Variants in DAB1 observed in about 807,000 individuals in gnomAD.
DAB1 encodes disabled homolog 1.
Under a neutral mutation model 64.6 loss-of-function variants are expected in DAB1, and 15 were observed. The observed-to-expected ratio is 0.23, with a 90% CI of 0.16 to 0.36. The LOEUF (loss-of-function observed/expected upper bound fraction) is 0.36. DAB1 is among the 10% of genes least tolerant of loss of function. The pLI is 1.00. For synonymous variants in DAB1, 235 were observed against 251.9 expected (o/e 0.93, Z 0.64); for missense variants, 596 against 706.7 (o/e 0.84, Z 1.78).
chr1:57,962,689 T>A lies in DAB1; in HGVS notation n.388-78527A>T, dbSNP rs534282786. Reference sequence around the variant, plus strand: ...GAGTTCAAGACCGGCCTGGATAACATAATCTCTACAATTTTTTTTTTTAAT... The same window carrying A: ...GAGTTCAAGACCGGCCTGGATAACAAAATCTCTACAATTTTTTTTTTTAAT... On this transcript the variant is annotated intron_variant and non_coding_transcript_variant, in intron 5 of 20. Coordinates refer to the DAB1 transcript ENST00000485760. 2.5e-4 allele frequency among the ~76,000 whole-genome samples: 38 copies of A among 151,706 alleles called. No individual in the cohort carries two copies. The South Asian group carries it at 7.9e-3, about 32-fold the overall frequency.
At chr1:57,816,349 AGTT>A (rs1651854714) in intron 6 of DAB1, among the ~76,000 whole-genome samples, 1 of 152,152 alleles carries the variant, frequency 6.6e-6, no homozygotes, top group South Asian at 2.1e-4. Context: ...ACCTTCCTCT[AGTT>A]GTTATGTTCT....
intron 4 of DAB1, among the ~76,000 whole-genome samples, chr1:58,180,139 A>C (rs12037550): frequency 0.014 from 2,191 of 151,746 alleles, 54 homozygotes; most frequent in South Asian, 0.099. Context: ...TCCTGGAAAA[A>C]ATCCCCCACA....
intron 3 of DAB1, among the ~76,000 whole-genome samples, chr1:58,504,924 G>T (rs1645962956): frequency 6.6e-6 from 1 of 151,238 alleles, no homozygotes; most frequent in Admixed American, 6.6e-5. Flanking sequence ...CTCCGTATTT[G>T]TTGGGCTGAA....
intron 5 of DAB1, among the ~76,000 whole-genome samples, chr1:58,112,182 G>A (rs1238291186): frequency 1.3e-5 from 2 of 152,238 alleles, no homozygotes; most frequent in South Asian, 2.1e-4. Flanking sequence ...CCAACTGGAG[G>A]AGCCCCTCCA....
chr1:57,680,036 A>G (rs1646618004), intron 6 of DAB1, among the ~76,000 whole-genome samples: 1 of 152,216 alleles, frequency 6.6e-6, no homozygotes, highest in African/African-American at 2.4e-5. Flanking sequence ...GGTCCATACT[A>G]TGTTATGATG....
At chr1:58,499,517 G>T (rs183876250) in intron 3 of DAB1, among the ~76,000 whole-genome samples, 1 of 148,508 alleles carries the variant, frequency 6.7e-6, no homozygotes, top group African/African-American at 2.5e-5. Context: ...TAAATAGATA[G>T]ATAGATAGAT....
At chr1:58,043,661 T>C (rs963827683) in intron 5 of DAB1, among the ~76,000 whole-genome samples, 2 of 152,190 alleles carry the variant, frequency 1.3e-5, no homozygotes, top group Non-Finnish European at 2.9e-5. Flanking sequence ...TTCTCATCTA[T>C]AAAATGAGAT....
intron 14 of DAB1, among the ~76,000 whole-genome samples, chr1:57,007,589 G>A (rs1646121051): frequency 6.6e-6 from 1 of 152,170 alleles, no homozygotes; most frequent in African/African-American, 2.4e-5. Context: ...TGGCCCTGAA[G>A]CTTCCACCTG....
At chr1:57,153,690 G>A (rs181763098) in intron 2 of DAB1, among the ~76,000 whole-genome samples, 1 of 151,734 alleles carries the variant, frequency 6.6e-6, no homozygotes, top group Non-Finnish European at 1.5e-5. Flanking sequence ...CAGGCTGGAG[G>A]GCAGTGGCGC....
chr1:57,323,525 G>C (rs1299516252), intron 1 of DAB1, among the ~76,000 whole-genome samples: 1 of 152,022 alleles, frequency 6.6e-6, no homozygotes, highest in African/African-American at 2.4e-5. Context: ...TTTTGGCCTG[G>C]AATTTTCACT....
chr1:57,727,726 CTCCTTCCTTCCT>C (rs544033691), intron 6 of DAB1, among the ~76,000 whole-genome samples: 7 of 137,124 alleles, frequency 5.1e-5, no homozygotes, highest in South Asian at 2.6e-4. Flanking sequence ...CCTTCCTTCT[CTCCTTCCTTCCT>C]TCCTTCCTTC....
intron 7 of DAB1, among the ~76,000 whole-genome samples, chr1:57,593,723 G>A (rs1255210320): frequency 1.3e-5 from 2 of 152,084 alleles, no homozygotes; most frequent in East Asian, 1.9e-4. Context: ...ACATCATCAG[G>A]ATTTTAAAAA....
intron 3 of DAB1, chr1:58,480,867 C>CTT (rs67922378): frequency 9.0e-4 from 548 of 609,764 alleles, no homozygotes; most frequent in South Asian, 1.4e-3. Context: ...CCTGAATATC[C>CTT]TTTTTTTTTT....
At chr1:57,076,761 AC>A in intron 4 of DAB1, among the ~76,000 whole-genome samples, 1 of 152,302 alleles carries the variant, frequency 6.6e-6, no homozygotes, top group Non-Finnish European at 1.5e-5. Flanking sequence ...CTACCTTGAT[AC>A]CCCATTTCCC....
intron 1 of DAB1, among the ~76,000 whole-genome samples, chr1:57,841,565 A>T (rs1323922642): frequency 1.3e-5 from 2 of 152,214 alleles, no homozygotes; most frequent in Admixed American, 6.5e-5. Flanking sequence ...TCTTCTGCAC[A>T]CCTGCAGGCC....
intron 1 of DAB1, among the ~76,000 whole-genome samples, chr1:57,361,439 TG>T (rs372887194): frequency 8.3e-4 from 126 of 152,306 alleles, no homozygotes; most frequent in East Asian, 7.0e-3. Context: ...AGCAACCAGA[TG>T]GTAACATATT....
chr1:57,497,376 G>C (rs1268448564), intron 7 of DAB1, among the ~76,000 whole-genome samples: 1 of 152,178 alleles, frequency 6.6e-6, no homozygotes, highest in South Asian at 2.1e-4. Context: ...TGGCACATAG[G>C]TGAGTGCTCA....
intron 1 of DAB1, among the ~76,000 whole-genome samples, chr1:57,296,980 T>C (rs1441624682): frequency 1.3e-5 from 2 of 152,134 alleles, no homozygotes; most frequent in Non-Finnish European, 2.9e-5. Flanking sequence ...AGTGGAGAAA[T>C]TGGACAAAAC....
chr1:57,572,111 G>A (rs6676151), intron 7 of DAB1, among the ~76,000 whole-genome samples: 61,831 of 151,972 alleles, frequency 0.41, 14,350 homozygotes, highest in Non-Finnish European at 0.53. Flanking sequence ...TAGTTTTAGG[G>A]CCCAGAGGTC....
Sources: gnomAD v4.1 joint callset for allele counts (sites outside exome capture counted in the v4.1 genomes callset) on GRCh38, gnomAD v4.1.1 for gene constraint, MANE v1.5 for transcripts, NCBI Gene and HGNC (gene_info 2026-07-23, HGNC 2026-07-21) for gene names.